IL6R: variants seen among roughly 807,000 people sequenced by gnomAD.
IL6R encodes interleukin 6 receptor.
A neutral mutation model predicts 48.3 loss-of-function variants in IL6R; 38 were observed. The observed-to-expected ratio is 0.79, with a 90% CI of 0.61 to 1.03. IL6R has a LOEUF of 1.03. Among genes scored for constraint, IL6R ranks in the 50% least tolerant of loss-of-function variants. IL6R has a pLI of 0.00. For missense variants in IL6R, 534 were observed against 618.3 expected, an observed-to-expected ratio of 0.86 and a Z score of 1.45; for synonymous variants, 264 against 256.2, an observed-to-expected ratio of 1.03 and a Z score of -0.29.
intron 8 of IL6R, 185 bp from the exon 9 acceptor site, chr1:154,454,303 A>C (rs539535297): frequency 1.7e-6 from 1 of 596,846 alleles, no homozygotes; most frequent in Non-Finnish European, 3.0e-6. Flanking sequence ...CAAACAAAAA[A>C]CAGTTAAGCT....
chr1:154,446,755 T>A (rs971138479), intron 6 of IL6R, among the ~76,000 whole-genome samples: 1 of 152,204 alleles, frequency 6.6e-6, no homozygotes, highest in Non-Finnish European at 1.5e-5. Flanking sequence ...ATATATTTTT[T>A]ATTGCAAAAA....
chr1:154,465,589 A>G lies in IL6R; in HGVS notation c.*209A>G, dbSNP rs1183886208. ...TTGAGGTTTCAAACCTCCCTTTCCA[A>G]ATGCCCAGCTTAAAGGGGCTAGAGT... On this transcript the variant is annotated 3_prime_UTR_variant, in exon 10 of 10. Transcript: ENST00000368485. The G allele has an allele frequency of 5.0e-6, 3 of 604,270 alleles. No individual in the cohort carries two copies. The highest frequency in any genetic ancestry group is 8.7e-6 in the Non-Finnish European group (3 of 342,884). 37.4% of individuals were successfully genotyped at this position (604,270 alleles called of 1,614,324 possible). A position where few individuals can be genotyped will look rare whatever the true frequency, so the allele number is the denominator to read the frequency against.
intron 6 of IL6R, among the ~76,000 whole-genome samples, chr1:154,437,106 G>A (rs771939719): frequency 4.6e-5 from 7 of 152,080 alleles, no homozygotes; most frequent in Non-Finnish European, 1.0e-4. Context: ...TGTTTTGTTT[G>A]TTTGTTTTGA....
At chr1:154,411,425 G>A (rs1413518732) in intron 1 of IL6R, among the ~76,000 whole-genome samples, 3 of 152,184 alleles carry the variant, frequency 2.0e-5, no homozygotes, top group African/African-American at 7.2e-5. Flanking sequence ...ATTTGGGAAT[G>A]AGGACTGAGC....
chr1:154,411,521 G>A (rs1215107809), intron 1 of IL6R, among the ~76,000 whole-genome samples: 3 of 152,158 alleles, frequency 2.0e-5, no homozygotes, highest in African/African-American at 7.2e-5. Flanking sequence ...CTATTCATAT[G>A]CCTTTGGTCA....
chr1:154,462,104 T>C (rs376233226), intron 9 of IL6R, among the ~76,000 whole-genome samples: 6 of 152,308 alleles, frequency 3.9e-5, no homozygotes. Context: ...GCCTGATTAC[T>C]GCTTCATTAT....
rs1691631471 is a variant in IL6R at position 154,467,924 on chromosome 1, AC to A, written c.*2547del. On this transcript the variant is annotated 3_prime_UTR_variant, in exon 10 of 10. Transcript: ENST00000368485. ...GTTCTTCAATTCTTTATACCGTTTT[AC>A]CCACATGTGGTGTTACCAAAGCCGG... 1.3e-5 allele frequency: 2 copies of A among 152,288 alleles called. No homozygotes were observed. Among genetic ancestry groups the A allele is most frequent in the Non-Finnish European group, 2.9e-5 (2 of 68,010 alleles). The allele number at this position is 152,288 out of a possible 1,614,324, so 9.4% of individuals were successfully genotyped here.
intron 1 of IL6R, among the ~76,000 whole-genome samples, chr1:154,423,737 GT>G (rs1390321709): frequency 6.6e-6 from 1 of 152,080 alleles, no homozygotes; most frequent in Non-Finnish European, 1.5e-5. Context: ...ATCATTCCCT[GT>G]TTTAAAAAAT....
At chr1:154,425,550 G>A (rs1688914553) in intron 1 of IL6R, among the ~76,000 whole-genome samples, 1 of 152,062 alleles carries the variant, frequency 6.6e-6, no homozygotes, top group African/African-American at 2.4e-5. Context: ...CCAGGTAGGA[G>A]GATTGCTTGA....
At chr1:154,456,654 C>T (rs778653712) in intron 9 of IL6R, among the ~76,000 whole-genome samples, 2 of 152,172 alleles carry the variant, frequency 1.3e-5, no homozygotes, top group Non-Finnish European at 2.9e-5. Flanking sequence ...AGACTGGAAA[C>T]ACCTGAGGAT....
intron 2 of IL6R, 135 bp downstream of exon 2, chr1:154,429,579 T>C: frequency 9.7e-7 from 1 of 1,030,080 alleles, no homozygotes; most frequent in South Asian, 1.7e-5. Context: ...GGCCCACCAA[T>C]GTCTGCCATC....
intron 6 of IL6R, chr1:154,437,661 C>T: frequency 4.2e-6 from 1 of 238,696 alleles, no homozygotes. Context: ...ATCCACCAGC[C>T]TCAGACTCCC....
Position 154,413,320 on chromosome 1 carries a change from A to T in IL6R, c.85+7606A>T, listed in dbSNP as rs142936244. ...CGGCCACCCGGTTACCTTTTGATGG[A>T]TGTTTAGTTGTTCCCTTCTTGCTCT... On this transcript the variant is annotated intron_variant, in intron 1 of 9. Transcript: ENST00000368485. Among the ~76,000 whole-genome samples the T allele has an allele frequency of 6.5e-3, 983 of 152,264 alleles. 12 individuals carry two copies. Among genetic ancestry groups the T allele is most frequent in the African/African-American group, 0.022 (905 of 41,540 alleles).
At chr1:154,434,007 G>A (rs1304381347) in intron 3 of IL6R, among the ~76,000 whole-genome samples, 2 of 151,750 alleles carry the variant, frequency 1.3e-5, no homozygotes, top group Non-Finnish European at 2.9e-5. Flanking sequence ...AATTACAGGC[G>A]TGAGCCACCG....
intron 1 of IL6R, chr1:154,415,271 A>G: frequency 1.8e-6 from 1 of 565,652 alleles, no homozygotes; most frequent in South Asian, 1.9e-5. Context: ...AAAAGTTTTA[A>G]AAGTTTAAAT....
At chr1:154,459,941 CTTT>C (rs892960071) in intron 9 of IL6R, among the ~76,000 whole-genome samples, 75 of 152,196 alleles carry the variant, frequency 4.9e-4, no homozygotes, top group African/African-American at 1.8e-3. Flanking sequence ...AAAATCAGAG[CTTT>C]TGCTACCTCC....
At chr1:154,408,069 G>T (rs1687832166) in intron 1 of IL6R, among the ~76,000 whole-genome samples, 1 of 152,160 alleles carries the variant, frequency 6.6e-6, no homozygotes, top group Non-Finnish European at 1.5e-5. Flanking sequence ...CCTAGCATCA[G>T]ATCTGGTGTG....
chr1:154,461,048 T>C (rs1691232041), intron 9 of IL6R, among the ~76,000 whole-genome samples: 1 of 152,172 alleles, frequency 6.6e-6, no homozygotes, highest in South Asian at 2.1e-4. Context: ...AAGCAAGTCA[T>C]GTGATTACAG....
At chr1:154,408,064 C>A (rs1687831804) in intron 1 of IL6R, among the ~76,000 whole-genome samples, 2 of 152,170 alleles carry the variant, frequency 1.3e-5, no homozygotes, top group Admixed American at 6.6e-5. Context: ...CTGAGCCTAG[C>A]ATCAGATCTG....
Sources: gnomAD v4.1 joint callset for allele counts (sites outside exome capture counted in the v4.1 genomes callset) on GRCh38, gnomAD v4.1.1 for gene constraint, MANE v1.5 for transcripts, NCBI Gene and HGNC (gene_info 2026-07-23, HGNC 2026-07-21) for gene names.